The following DPYD variants were observed in gnomAD, a reference collection of about 807,000 sequenced individuals.
DPYD encodes dihydropyrimidine dehydrogenase, also known as dihydropyrimidine dehydrogenase [NADP(+)].
In DPYD, 109 loss-of-function variants were observed where a neutral mutation model predicts 116.2. The observed-to-expected ratio is 0.94, with a 90% CI of 0.80 to 1.10. The LOEUF is 1.10. Among genes scored for constraint, DPYD ranks in the 50% least tolerant of loss-of-function variants. The pLI is 0.00. For synonymous variants in DPYD, 440 were observed against 432.0 expected (o/e 1.02, Z -0.23); for missense variants, 1,302 against 1,254.5 (o/e 1.04, Z -0.57).
At chr1:97,406,298 T>C (rs996763000) in intron 14 of DPYD, among the ~76,000 whole-genome samples, 4 of 148,356 alleles carry the variant, frequency 2.7e-5, no homozygotes, top group African/African-American at 4.9e-5. Context: ...TTAAAATTAT[T>C]AATTTATTTT....
At chr1:97,415,385 T>C (rs1449355093) in intron 14 of DPYD, among the ~76,000 whole-genome samples, 2 of 152,196 alleles carry the variant, frequency 1.3e-5, no homozygotes, top group East Asian at 3.8e-4. Flanking sequence ...TGGAGTGCAG[T>C]GGTGCAGTCT....
intron 13 of DPYD, among the ~76,000 whole-genome samples, chr1:97,511,506 A>AAAC (rs142176754): frequency 1.3e-5 from 2 of 151,962 alleles, no homozygotes; most frequent in Non-Finnish European, 2.9e-5. Flanking sequence ...TACTTGTGGA[A>AAAC]AACAACAACA....
intron 13 of DPYD, among the ~76,000 whole-genome samples, chr1:97,478,925 T>C (rs2101874999): frequency 6.6e-6 from 1 of 152,346 alleles, no homozygotes; most frequent in East Asian, 1.9e-4. Context: ...TTAAATTTCA[T>C]AAGCCAACTT....
intron 2 of DPYD, among the ~76,000 whole-genome samples, chr1:97,846,279 T>C (rs1237598193): frequency 6.6e-6 from 1 of 152,192 alleles, no homozygotes; most frequent in East Asian, 1.9e-4. Flanking sequence ...TCTATGCATC[T>C]CCTCCAATTG....
At chr1:97,141,506 G>A (rs753814969) in intron 20 of DPYD, among the ~76,000 whole-genome samples, 1 of 151,936 alleles carries the variant, frequency 6.6e-6, no homozygotes, top group Admixed American at 6.6e-5. Context: ...GCTCATATGA[G>A]ACTTTCTCTA....
At chr1:97,748,024 T>C (rs577565376) in intron 3 of DPYD, among the ~76,000 whole-genome samples, 1 of 152,340 alleles carries the variant, frequency 6.6e-6, no homozygotes, top group African/African-American at 2.4e-5. Flanking sequence ...CTTTCTCTTC[T>C]TTAATGTGGA....
chr1:97,245,477 T>C (rs1662659632), intron 18 of DPYD, among the ~76,000 whole-genome samples: 1 of 152,130 alleles, frequency 6.6e-6, no homozygotes, highest in South Asian at 2.1e-4. Flanking sequence ...GAAATTATTC[T>C]CACCTATGAC....
chr1:97,663,603 G>A (rs990228907), intron 8 of DPYD, among the ~76,000 whole-genome samples: 11 of 152,060 alleles, frequency 7.2e-5, no homozygotes, highest in African/African-American at 2.4e-4. Flanking sequence ...TTCACAGTGC[G>A]ACCAAACCTA....
intron 20 of DPYD, among the ~76,000 whole-genome samples, chr1:97,168,685 A>C (rs1415088801): frequency 1.3e-5 from 2 of 152,084 alleles, no homozygotes; most frequent in Non-Finnish European, 2.9e-5. Flanking sequence ...TTTTTTAACC[A>C]ATGAGTTTAG....
chr1:97,409,374 G>T (rs574304025), intron 14 of DPYD, among the ~76,000 whole-genome samples: 2 of 152,242 alleles, frequency 1.3e-5, no homozygotes, highest in East Asian at 3.9e-4. Context: ...TGTATGGTAA[G>T]CTCCTAGAGA....
chr1:97,670,556 C>T (rs970432428), intron 8 of DPYD, among the ~76,000 whole-genome samples: 5 of 152,154 alleles, frequency 3.3e-5, no homozygotes, highest in African/African-American at 1.2e-4. Flanking sequence ...TGCTGGCATT[C>T]TGATCTCAGA....
chr1:97,352,336 G>T (rs1670191049), intron 16 of DPYD, among the ~76,000 whole-genome samples: 1 of 152,148 alleles, frequency 6.6e-6, no homozygotes, highest in South Asian at 2.1e-4. Flanking sequence ...TCTGCATGAG[G>T]CCTGCTACCT....
intron 13 of DPYD, among the ~76,000 whole-genome samples, chr1:97,470,003 T>C (rs554668357): frequency 2.2e-4 from 34 of 152,202 alleles, no homozygotes; most frequent in South Asian, 4.1e-4. Context: ...GACTTGAATA[T>C]AGACATAAGC....
At chr1:97,573,700 CTA>C in intron 11 of DPYD, 58 bp downstream of exon 11, 3 of 1,595,306 alleles carry the variant, frequency 1.9e-6, no homozygotes, top group Non-Finnish European at 1.7e-6. Flanking sequence ...AAGCTAGAAA[CTA>C]TTACAGCACT....
intron 8 of DPYD, among the ~76,000 whole-genome samples, chr1:97,653,303 CTTT>C (rs753813558): frequency 2.1e-5 from 3 of 140,152 alleles, no homozygotes; most frequent in Non-Finnish European, 3.1e-5. Flanking sequence ...TTTCTTTCTC[CTTT>C]TTTTTTTTTT....
chr1:97,472,551 T>C (rs1409741579), intron 13 of DPYD, among the ~76,000 whole-genome samples: 1 of 152,216 alleles, frequency 6.6e-6, no homozygotes, highest in Non-Finnish European at 1.5e-5. Context: ...AAACAAAACT[T>C]ATATACATAT....
Position 97,920,903 on chromosome 1 carries a change from T to C in DPYD, c.20A>G (p.Lys7Arg). Residue 7 changes from lysine (K) to arginine (R), a missense_variant, in exon 1 of 23, where the codon AAG (lysine) becomes AGG (arginine). Coordinates refer to ENST00000370192, the MANE Select transcript of DPYD (RefSeq NM_000110.4). Reference protein sequence around the residue: MAPVLSKDSADIESILA... With the variant: MAPVLSRDSADIESILA... ...CCGTACCTCGATGTCCGCCGAGTCC[T>C]TACTGAGCACAGGGGCCATGGCAGT... is the stretch of plus-strand genomic sequence containing the variant. 6.3e-7 allele frequency: 1 copy of C among 1,593,680 alleles called. No homozygotes were observed. The highest frequency in any genetic ancestry group is 1.3e-5 in the African/African-American group (1 of 74,226).
chr1:97,891,337 T>C (rs1672764962), intron 1 of DPYD, among the ~76,000 whole-genome samples: 1 of 151,888 alleles, frequency 6.6e-6, no homozygotes. Flanking sequence ...AGGGAGATTT[T>C]TCTCTCATCA....
chr1:97,819,472 T>C (rs953867608), intron 3 of DPYD, among the ~76,000 whole-genome samples: 3 of 152,008 alleles, frequency 2.0e-5, no homozygotes, highest in Admixed American at 6.6e-5. Flanking sequence ...AAAAAAAAGT[T>C]ACAAACGTTA....
Sources: allele counts gnomAD v4.1 joint callset (sites outside exome capture counted in the v4.1 genomes callset), GRCh38; gene constraint gnomAD v4.1.1; transcripts MANE v1.5; gene names NCBI Gene and HGNC (gene_info 2026-07-23, HGNC 2026-07-21).